The following CTRC variants were observed in gnomAD, a reference collection of about 807,000 sequenced individuals.
CTRC encodes chymotrypsin C.
Under a neutral mutation model 35.7 loss-of-function variants are expected in CTRC, and 32 were observed. The ratio of observed to expected loss-of-function variants is 0.90; its 90% CI spans 0.68 to 1.20. CTRC has a LOEUF of 1.20. CTRC is among the 50% of genes most tolerant of loss of function. CTRC has a pLI of 0.00. For missense variants in CTRC, 324 were observed against 361.5 expected, an observed-to-expected ratio of 0.90 and a Z score of 0.84; for synonymous variants, 119 against 149.5, an observed-to-expected ratio of 0.80 and a Z score of 1.49.
At chr1:15,439,810 C>T (rs892176415) in intron 1 of CTRC, among the ~76,000 whole-genome samples, 14 of 152,306 alleles carry the variant, frequency 9.2e-5, no homozygotes, top group Middle Eastern at 3.4e-3. Flanking sequence ...GGCACGATCT[C>T]GGCTCACTGC....
intron 7 of CTRC, 133 bp from the exon 8 acceptor site, chr1:15,446,442 G>A: frequency 1.1e-6 from 1 of 879,228 alleles, no homozygotes; most frequent in Non-Finnish European, 1.9e-6. Context: ...CCCTTGAACA[G>A]GGACAAGGCT....
intron 1 of CTRC, among the ~76,000 whole-genome samples, chr1:15,439,804 C>T (rs939122005): frequency 5.3e-5 from 8 of 152,204 alleles, no homozygotes; most frequent in South Asian, 4.1e-4. Flanking sequence ...TGCAATGGCA[C>T]GATCTCGGCT....
chr1:15,442,817 C>A (rs891004093), intron 4 of CTRC, among the ~76,000 whole-genome samples: 1 of 152,186 alleles, frequency 6.6e-6, no homozygotes. Context: ...CAGTGTCTCT[C>A]CAGAGGCTGG....
In CTRC at chr1:15,447,621, T is replaced by C. The variant is rs1708240894; in HGVS notation, c.*1032T>C. On this transcript the variant is annotated 3_prime_UTR_variant, in exon 8 of 8. Coordinates refer to ENST00000375949, the MANE Select transcript of CTRC (RefSeq NM_007272.3). Reference sequence around the variant, plus strand: ...TGCCAGGGGGATCAGACCCTGATGATAGGGGCCTCTGGCCTGGCCTGCTCC... The same window carrying C: ...TGCCAGGGGGATCAGACCCTGATGACAGGGGCCTCTGGCCTGGCCTGCTCC... The C allele has an allele frequency of 6.6e-6, 1 of 152,390 alleles. No homozygotes were observed. The highest frequency in any genetic ancestry group is 2.4e-5 in the African/African-American group (1 of 41,420). 9.4% of individuals were successfully genotyped at this position (152,390 alleles called of 1,614,324 possible).
intron 6 of CTRC, 145 bp from the exon 7 acceptor site, chr1:15,445,452 C>A (rs1708201345): frequency 1.3e-6 from 1 of 775,948 alleles, no homozygotes; most frequent in African/African-American, 1.7e-5. Context: ...CTCTGCCTCC[C>A]TCACCATGGG....
chr1:15,445,817 C>A lies in CTRC; in HGVS notation c.792+68C>A, dbSNP rs561053914. On this transcript the variant is annotated intron_variant, in intron 7 of 7. Transcript: ENST00000375949. ...TCCCCCTCACTCACCCATCCCCTCA[C>A]TCATTCACTCATTCATGCGTTTATT... 33 of 1,542,076 alleles carry A rather than the reference C, an allele frequency of 2.1e-5. No homozygotes were observed. In the East Asian group the frequency reaches 7.4e-4, roughly 35 times the overall value.
Position 15,440,517 on chromosome 1 carries a change from G to A in CTRC, c.157G>A (p.Asp53Asn), listed in dbSNP as rs761118020. 9.3e-6 allele frequency: 15 copies of A among 1,614,010 alleles called. No individual in the cohort carries two copies. The highest frequency in any genetic ancestry group is 2.2e-5 in the East Asian group (1 of 44,896). ...GATCTCCCTCCAGTACCTCAAGAAC[G>A]ACACGTGGAGGCATACGTGTGGCGG... The part of the protein sequence containing the change: ...WQISLQYLKN[D>N]TWRHTCGGTL... The change falls in exon 3 of 8, where the codon GAC (aspartate) becomes AAC (asparagine). Residue 53 changes from aspartate to asparagine, a missense_variant. Coordinates refer to ENST00000375949, the MANE Select transcript of CTRC (RefSeq NM_007272.3).
chr1:15,446,578 A>G lies in CTRC; in HGVS notation c.796A>G (p.Met266Val). The change falls in exon 8 of 8, where the codon ATG becomes GTG. Residue 266 changes from methionine (M) to valine (V), a missense_variant. By Grantham distance (21) the Met-to-Val change is conservative (BLOSUM62 1). Transcript: ENST00000375949. ...SAYIDWINEK[M>V]QL ...ACACTGTTCTCTGCTCCTCCAGAAA[A>G]TGCAGCTGTGATTTGTTGCTGGGAG... 2 of 1,614,190 alleles carry G rather than the reference A, an allele frequency of 1.2e-6. No homozygotes were observed. The highest frequency in any genetic ancestry group is 2.2e-5 in the East Asian group (1 of 44,866).
intron 6 of CTRC, 70 bp downstream of exon 6, chr1:15,444,821 G>T: frequency 6.3e-6 from 10 of 1,597,560 alleles, no homozygotes; most frequent in Non-Finnish European, 7.7e-6. Flanking sequence ...AGGGGGGTGC[G>T]ATGGACCAAA....
At position 15,446,623 on chromosome 1, in the gene CTRC, C is replaced by T; in HGVS notation, c.*34C>T. 6.2e-7 allele frequency: 1 copy of T among 1,613,918 alleles called. No homozygotes were observed. Among genetic ancestry groups the T allele is most frequent in the Non-Finnish European group, 8.5e-7 (1 of 1,179,770 alleles). On this transcript the variant is annotated 3_prime_UTR_variant, in exon 8 of 8. Coordinates refer to ENST00000375949, the MANE Select transcript of CTRC (RefSeq NM_007272.3). ...TGGGAGCGGCGGCAGCGAGTCCCTGCAACAGCAATAAACTTCCTTCTCCTC... is the reference window on the plus strand; with the variant it reads ...TGGGAGCGGCGGCAGCGAGTCCCTGTAACAGCAATAAACTTCCTTCTCCTC...
chr1:15,440,860 T>C (rs1708122148), intron 3 of CTRC, among the ~76,000 whole-genome samples: 2 of 152,160 alleles, frequency 1.3e-5, no homozygotes, highest in Non-Finnish European at 2.9e-5. Context: ...ATATATAGCA[T>C]CTCAGGTGAT....
chr1:15,441,215 A>T (rs549972799), intron 3 of CTRC, among the ~76,000 whole-genome samples: 1 of 152,292 alleles, frequency 6.6e-6, no homozygotes, highest in South Asian at 2.1e-4. Context: ...TCAGAAGAGG[A>T]CAAACAGAAT....
chr1:15,443,627 AC>A, intron 5 of CTRC, 72 bp downstream of exon 5: 7 of 1,601,242 alleles, frequency 4.4e-6, no homozygotes, highest in Non-Finnish European at 6.0e-6. Flanking sequence ...TTTGTCCACC[AC>A]TTTGCCTTTT....
Position 15,440,283 on chromosome 1 carries a change from GC to G in CTRC, c.41-15del. The G allele has an allele frequency of 6.8e-7, 1 of 1,474,010 alleles. No homozygotes were observed. The highest frequency in any genetic ancestry group is 1.2e-5 in the South Asian group (1 of 86,428). The allele number at this position is 1,474,010 out of a possible 1,614,324, so 91.3% of individuals were successfully genotyped here. A position where few individuals can be genotyped will look rare whatever the true frequency, so the allele number is the denominator to read the frequency against. ...CCAGCCCTATTCACTGGTTCTTCTG[GC>G]CTCCTGTCTCCCCAGCCTCCAGCTG... On this transcript the variant is annotated splice_polypyrimidine_tract_variant and intron_variant, in intron 1 of 7. Transcript: ENST00000375949.
intron 6 of CTRC, 148 bp downstream of exon 6, chr1:15,444,899 C>G: frequency 1.1e-6 from 1 of 936,112 alleles, no homozygotes; most frequent in Non-Finnish European, 1.7e-6. Flanking sequence ...AGCCCATCAC[C>G]CCCCATCACT....
chr1:15,446,673 GCA>G lies in CTRC; in HGVS notation c.*85_*86del. 6.6e-7 allele frequency: 1 copy of G among 1,509,684 alleles called. No homozygotes were observed. Among genetic ancestry groups the G allele is most frequent in the African/African-American group, 1.4e-5 (1 of 72,828 alleles). The allele number at this position is 1,509,684 out of a possible 1,614,324, so 93.5% of individuals were successfully genotyped here. A position where few individuals can be genotyped will look rare whatever the true frequency, so the allele number is the denominator to read the frequency against. ...CGGGCCACCTGGATCCTTGATTTGT[GCA>G]GCTTCTGTTGCTTCCCTCCTCTCTG... On this transcript the variant is annotated 3_prime_UTR_variant, in exon 8 of 8. Coordinates refer to ENST00000375949, the MANE Select transcript of CTRC (RefSeq NM_007272.3).
intron 1 of CTRC, among the ~76,000 whole-genome samples, chr1:15,439,436 A>G (rs1254448777): frequency 6.6e-6 from 1 of 152,006 alleles, no homozygotes; most frequent in Non-Finnish European, 1.5e-5. Context: ...AAAAAAAAAA[A>G]AAAGAAAAAG....
intron 3 of CTRC, among the ~76,000 whole-genome samples, chr1:15,440,876 A>G (rs1187256054): frequency 6.6e-6 from 1 of 152,208 alleles, no homozygotes; most frequent in Non-Finnish European, 1.5e-5. Context: ...GTGATTTAAA[A>G]TAATACTAAT....
rs1304527540 is a variant in CTRC at position 15,442,563 on chromosome 1, T to C, written c.347T>C (p.Leu116Pro). 5.6e-6 allele frequency: 9 copies of C among 1,613,958 alleles called. No individual in the cohort carries two copies. Among genetic ancestry groups the C allele is most frequent in the Non-Finnish European group, 6.8e-6 (8 of 1,179,928 alleles). Residue 116 changes from leucine (L) to proline (P), a missense_variant, in exon 4 of 8, where the codon CTC becomes CCC. Transcript: ENST00000375949. ...TIHVHKRWNA[L>P]LLRNDIALIK... ...CACGTCCACAAGAGATGGAATGCCC[T>C]CCTGTTGCGGTGAGTGACAGACTGC...
Sources: gnomAD v4.1 joint callset for allele counts (sites outside exome capture counted in the v4.1 genomes callset) on GRCh38, gnomAD v4.1.1 for gene constraint, MANE v1.5 for transcripts, NCBI Gene and HGNC (gene_info 2026-07-23, HGNC 2026-07-21) for gene names.